The following CTBP2 variants were observed in gnomAD, a reference collection of about 807,000 sequenced individuals.
The protein encoded by CTBP2 is C-terminal binding protein 2, also known as C-terminal-binding protein 2.
In CTBP2, 30 loss-of-function variants were observed where a neutral mutation model predicts 80.3. The observed-to-expected ratio is 0.37, with a 90% confidence interval of 0.28 to 0.51. The LOEUF (loss-of-function observed/expected upper bound fraction) is 0.51, where lower values mean the gene tolerates loss of function less well. Ranked by LOEUF, CTBP2 falls within the 20% of genes least tolerant of loss-of-function variation. The pLI, the probability that CTBP2 is intolerant of heterozygous loss-of-function variation, is 0.93. For synonymous variants in CTBP2, 594 were observed against 587.4 expected (o/e 1.01, Z -0.16); for missense variants, 1,212 against 1,375.3 (o/e 0.88, Z 1.88).
At chr10:125,153,771 C>A (rs748125212) in intron 1 of CTBP2, among the ~76,000 whole-genome samples, 1 of 152,260 alleles carries the variant, frequency 6.6e-6, no homozygotes, top group African/African-American at 2.4e-5. Flanking sequence ...TCTCCCTCCA[C>A]GGTCTAGGTC....
In CTBP2 at chr10:124,984,461, T is replaced by G; in HGVS notation, c.*5057A>C. The G allele has an allele frequency of 3.6e-6, 1 of 276,388 alleles. No individual in the cohort carries two copies. Among genetic ancestry groups the G allele is most frequent in the Non-Finnish European group, 6.7e-6 (1 of 148,516 alleles). 17.1% of individuals were successfully genotyped at this position (276,388 alleles called of 1,614,324 possible). A position where few individuals can be genotyped will look rare whatever the true frequency, so the allele number is the denominator to read the frequency against. On this transcript the variant is annotated 3_prime_UTR_variant, in exon 9 of 9. Transcript: ENST00000309035. ...TTGACTAAGTAAACTTACCTTGTCA[T>G]GTGTTTGAAGCTGTGGCTTGCCAGG...
chr10:125,002,875 G>T, intron 3 of CTBP2, 85 bp downstream of exon 5: 1 of 1,543,286 alleles, frequency 6.5e-7, no homozygotes, highest in Non-Finnish European at 8.8e-7. Context: ...CGTGGTCCCA[G>T]TTCCAGCTGC....
At chr10:125,086,352 C>A (rs1175410909) in intron 2 of CTBP2, among the ~76,000 whole-genome samples, 1 of 152,030 alleles carries the variant, frequency 6.6e-6, no homozygotes, top group African/African-American at 2.4e-5. Context: ...GCCAACACAG[C>A]GAAACCTCAT....
At chr10:125,094,903 C>A (rs917456318) in intron 2 of CTBP2, among the ~76,000 whole-genome samples, 1 of 150,956 alleles carries the variant, frequency 6.6e-6, no homozygotes, top group Non-Finnish European at 1.5e-5. Context: ...ATAAGCAATA[C>A]GCTGAAAGGG....
chr10:125,028,135 CATG>C, upstream of CTBP2: 5 of 191,442 alleles, frequency 2.6e-5, no homozygotes, highest in South Asian at 2.3e-4. Flanking sequence ...AGCTTTGTTC[CATG>C]TGACATCTCG....
chr10:125,070,534 G>A (rs1845307900), intron 2 of CTBP2, among the ~76,000 whole-genome samples: 1 of 150,858 alleles, frequency 6.6e-6, no homozygotes, highest in South Asian at 2.1e-4. Context: ...TCCAGCCTGG[G>A]TGACAGTGAG....
chr10:125,016,068 G>A (rs958340739), intron 1 of CTBP2, among the ~76,000 whole-genome samples: 23 of 152,210 alleles, frequency 1.5e-4, no homozygotes, highest in African/African-American at 4.8e-4. Flanking sequence ...GGCACCACCC[G>A]GGGTGACGGG....
chr10:125,092,257 C>A (rs919046589), intron 2 of CTBP2, among the ~76,000 whole-genome samples: 1 of 132,530 alleles, frequency 7.5e-6, no homozygotes, highest in Non-Finnish European at 1.5e-5. Flanking sequence ...TCTCTATGAT[C>A]TCTGCTCACT....
intron 2 of CTBP2, among the ~76,000 whole-genome samples, chr10:125,110,661 C>T (rs570188700): frequency 2.0e-5 from 3 of 152,326 alleles, no homozygotes; most frequent in African/African-American, 2.4e-5. Flanking sequence ...ATTAATACAT[C>T]GAGAAATCCT....
At chr10:125,053,489 T>A (rs1963239611) in intron 2 of CTBP2, among the ~76,000 whole-genome samples, 1 of 152,042 alleles carries the variant, frequency 6.6e-6, no homozygotes, top group African/African-American at 2.4e-5. Context: ...TCCCAGAGGT[T>A]CTCCCAGGGA....
intron 2 of CTBP2, among the ~76,000 whole-genome samples, chr10:125,072,634 GAAAAAAAA>G (rs55742060): frequency 1.9e-4 from 19 of 100,144 alleles, no homozygotes; most frequent in Admixed American, 8.7e-4. Flanking sequence ...AAAAAGAAAA[GAAAAAAAA>G]AAAAAAAAAA....
intron 3 of CTBP2, among the ~76,000 whole-genome samples, chr10:125,002,573 G>C (rs756315807): frequency 2.3e-4 from 35 of 152,152 alleles, no homozygotes; most frequent in South Asian, 8.3e-4. Flanking sequence ...GGCAGGGGCA[G>C]TTTAGGGGAC....
At chr10:125,161,997 C>G (rs1265416992), upstream of CTBP2, among the ~76,000 whole-genome samples, 1 of 152,222 alleles carries the variant, frequency 6.6e-6, no homozygotes, top group African/African-American at 2.4e-5. Flanking sequence ...GACGTCCGAG[C>G]GCCGTCTCCG....
At chr10:125,079,416 T>G in intron 2 of CTBP2, among the ~76,000 whole-genome samples, 1 of 152,188 alleles carries the variant, frequency 6.6e-6, no homozygotes, top group Non-Finnish European at 1.5e-5. Flanking sequence ...CGGTTGGATC[T>G]CCTTCCAAAC....
chr10:125,065,217 G>A (rs1844439237), intron 2 of CTBP2, among the ~76,000 whole-genome samples: 1 of 152,138 alleles, frequency 6.6e-6, no homozygotes, highest in Non-Finnish European at 1.5e-5. Context: ...TTTCCAGGGA[G>A]GTCCAGCCAT....
chr10:125,131,568 G>A (rs969607654), intron 1 of CTBP2, among the ~76,000 whole-genome samples: 9 of 152,186 alleles, frequency 5.9e-5, no homozygotes, highest in African/African-American at 1.9e-4. Flanking sequence ...CAGGGAGGGG[G>A]CAGCGGCGGG....
intron 8 of CTBP2, 46 bp downstream of exon 10, chr10:124,992,649 G>GC: frequency 6.9e-7 from 1 of 1,442,818 alleles, no homozygotes. Flanking sequence ...CTGGCCCCGG[G>GC]GCCGTGGTGC....
chr10:124,994,676 C>A lies in CTBP2; in HGVS notation c.2193G>T (p.Thr731=). Residue 731 remains threonine (T), a synonymous_variant, in exon 5 of 9, where the codon ACG becomes ACT. Coordinates refer to ENST00000309035, the MANE Select transcript of CTBP2 (RefSeq NM_022802.3). ...TGGCTCGAACTGCAACCGCCTGCCC[C>A]GTGCGACCTGTACAGAAACAGAGCG... The A allele has an allele frequency of 6.2e-7, 1 of 1,614,220 alleles. No homozygotes were observed. Among genetic ancestry groups the A allele is most frequent in the South Asian group, 1.1e-5 (1 of 91,084 alleles).
At chr10:125,132,245 A>G (rs574949870) in intron 1 of CTBP2, among the ~76,000 whole-genome samples, 1 of 152,352 alleles carries the variant, frequency 6.6e-6, no homozygotes, top group African/African-American at 2.4e-5. Flanking sequence ...CTTCAAGTCT[A>G]AGACATCATC....
Sources: allele counts gnomAD v4.1 joint callset (sites outside exome capture counted in the v4.1 genomes callset), GRCh38; gene constraint gnomAD v4.1.1; transcripts MANE v1.5; gene names NCBI Gene and HGNC (gene_info 2026-07-23, HGNC 2026-07-21).